Variants in HTR4 observed in about 807,000 individuals in gnomAD.
HTR4 encodes 5-hydroxytryptamine (serotonin) receptor 4, G protein-coupled.
Under a neutral mutation model 36.8 loss-of-function variants are expected in HTR4, and 16 were observed. The ratio of observed to expected loss-of-function variants is 0.43; its 90% CI spans 0.29 to 0.66. HTR4 has a LOEUF of 0.66. Ranked by LOEUF, HTR4 falls within the 30% of genes least tolerant of loss-of-function variation. The probability of loss-of-function intolerance (pLI) is 0.13; values close to 1 mark genes in which losing one functional copy is unlikely to be tolerated. For missense variants in HTR4, 438 were observed against 490.9 expected (o/e 0.89, Z 1.02); for synonymous variants, 189 against 185.1 (o/e 1.02, Z -0.17).
intron 5 of HTR4, among the ~76,000 whole-genome samples, chr5:148,456,147 C>A (rs561351034): frequency 1.3e-5 from 2 of 152,294 alleles, no homozygotes; most frequent in South Asian, 4.1e-4. Context: ...GAGGACAGCA[C>A]ATCCCAACTG....
At chr5:148,643,659 A>G (rs751636363) in intron 1 of HTR4, among the ~76,000 whole-genome samples, 17 of 152,258 alleles carry the variant, frequency 1.1e-4, no homozygotes, top group Non-Finnish European at 1.8e-4. Flanking sequence ...AATAAATGGC[A>G]TGGCATAATC....
At chr5:148,529,453 T>C (rs943985867) in intron 4 of HTR4, among the ~76,000 whole-genome samples, 1 of 152,132 alleles carries the variant, frequency 6.6e-6, no homozygotes, top group African/African-American at 2.4e-5. Context: ...TAAAGGGGAA[T>C]TTCCCTGCAC....
At chr5:148,578,019 T>G (rs1193876306) in intron 2 of HTR4, among the ~76,000 whole-genome samples, 1 of 152,016 alleles carries the variant, frequency 6.6e-6, no homozygotes, top group East Asian at 1.9e-4. Flanking sequence ...AGTTGTCAAA[T>G]GATATATGAA....
downstream of HTR4, among the ~76,000 whole-genome samples, chr5:148,473,535 G>A (rs1217102110): frequency 6.6e-6 from 1 of 152,156 alleles, no homozygotes; most frequent in Non-Finnish European, 1.5e-5. Flanking sequence ...TTAGAATATA[G>A]TATCTTAGTG....
At chr5:148,607,813 G>C (rs757437644) in intron 2 of HTR4, among the ~76,000 whole-genome samples, 7 of 152,158 alleles carry the variant, frequency 4.6e-5, no homozygotes, top group African/African-American at 1.7e-4. Flanking sequence ...ATGTCCCATG[G>C]ACTAAGCCCC....
chr5:148,601,787 C>A (rs1762005974), intron 2 of HTR4, among the ~76,000 whole-genome samples: 1 of 152,106 alleles, frequency 6.6e-6, no homozygotes, highest in African/African-American at 2.4e-5. Flanking sequence ...GGAGACACAG[C>A]AAGACCCTAT....
downstream of HTR4, among the ~76,000 whole-genome samples, chr5:148,480,412 T>G (rs1056902554): frequency 6.6e-6 from 1 of 152,222 alleles, no homozygotes; most frequent in Non-Finnish European, 1.5e-5. Flanking sequence ...GGAGTCTCAC[T>G]CTATTGCCCA....
In HTR4 at chr5:148,654,459, G is replaced by C. The variant is rs907874305; in HGVS notation, c.-445C>G. 7.1e-6 allele frequency: 7 copies of C among 985,402 alleles called. No homozygotes were observed. The Admixed American group carries it at 2.5e-4, about 35-fold the overall frequency. The allele number at this position is 985,402 out of a possible 1,614,324, so 61.0% of individuals were successfully genotyped here. On this transcript the variant is annotated 5_prime_UTR_variant, in exon 1 of 7. Transcript: ENST00000377888. ...GCACAGGGGAGTGGGCACAGAGGCG[G>C]GCTGGAGCGATCTCACCCGTTCCGG...
At chr5:148,514,421 C>T (rs1375276072) in intron 5 of HTR4, among the ~76,000 whole-genome samples, 6 of 151,918 alleles carry the variant, frequency 3.9e-5, no homozygotes, top group Non-Finnish European at 5.9e-5. Context: ...CATTACAATT[C>T]CTGGAATGTC....
intron 5 of HTR4, among the ~76,000 whole-genome samples, chr5:148,469,441 T>C (rs946723838): frequency 2.0e-5 from 3 of 152,182 alleles, no homozygotes; most frequent in Non-Finnish European, 2.9e-5. Flanking sequence ...GGTTCTGATC[T>C]GACTACACAA....
intron 2 of HTR4, among the ~76,000 whole-genome samples, chr5:148,562,578 A>C (rs1317907351): frequency 6.6e-6 from 1 of 152,094 alleles, no homozygotes; most frequent in African/African-American, 2.4e-5. Flanking sequence ...GCTTCCTTTC[A>C]TCTTCTCCTA....
Position 148,488,395 on chromosome 5 carries a change from C to CA in HTR4, c.1077-5103dup, listed in dbSNP as rs559128372. On this transcript the variant is annotated intron_variant, in intron 6 of 6. Coordinates refer to ENST00000377888, the MANE Select transcript of HTR4 (RefSeq NM_000870.7). Reference sequence around the variant, plus strand: ...CAGGCGTCAGGCTCAAAGCCTTTGGCAAAAAAACAGGATAAAGCTAAATTT... The same window carrying CA: ...CAGGCGTCAGGCTCAAAGCCTTTGGCAAAAAAAACAGGATAAAGCTAAATTT... Among the ~76,000 whole-genome samples, 162 of 151,886 alleles carry CA rather than the reference C, an allele frequency of 1.1e-3. 4 individuals carry two copies. In the Middle Eastern group the frequency reaches 0.037, roughly 35 times the overall value.
intron 1 of HTR4, chr5:148,646,087 A>C (rs1753871040): frequency 6.6e-6 from 1 of 152,264 alleles, no homozygotes; most frequent in Non-Finnish European, 1.5e-5. Flanking sequence ...TAAAAATCAC[A>C]TGGAAAACTG....
At chr5:148,612,068 C>T (rs1752457442) in intron 2 of HTR4, among the ~76,000 whole-genome samples, 1 of 152,144 alleles carries the variant, frequency 6.6e-6, no homozygotes, top group Admixed American at 6.5e-5. Flanking sequence ...GACTCCCACG[C>T]ATTAATAATG....
chr5:148,651,784 T>C (rs1754047518), intron 1 of HTR4, among the ~76,000 whole-genome samples: 1 of 151,516 alleles, frequency 6.6e-6, no homozygotes, highest in Non-Finnish European at 1.5e-5. Context: ...GGCAGTGATA[T>C]GGAAGACTGA....
chr5:148,511,085 A>G (rs1330293152), intron 5 of HTR4, among the ~76,000 whole-genome samples: 1 of 152,212 alleles, frequency 6.6e-6, no homozygotes, highest in East Asian at 1.9e-4. Context: ...GGTCAAGGCT[A>G]TCAATGACCT....
intron 1 of HTR4, among the ~76,000 whole-genome samples, chr5:148,638,407 G>A (rs1471256697): frequency 6.6e-6 from 1 of 152,186 alleles, no homozygotes; most frequent in Non-Finnish European, 1.5e-5. Flanking sequence ...CGAAGTGACA[G>A]GTCTCAATCC....
intron 2 of HTR4, among the ~76,000 whole-genome samples, chr5:148,584,477 G>T (rs1047599363): frequency 2.2e-4 from 34 of 152,122 alleles, no homozygotes; most frequent in African/African-American, 8.2e-4. Flanking sequence ...ACTCAAAGGA[G>T]AAATTACAAA....
chr5:148,545,869 A>G (rs1263982485), intron 4 of HTR4, among the ~76,000 whole-genome samples: 2 of 152,244 alleles, frequency 1.3e-5, no homozygotes, highest in Non-Finnish European at 2.9e-5. Context: ...GAGCAACAGT[A>G]TTAGAGCAGC....
Sources: allele counts gnomAD v4.1 joint callset (sites outside exome capture counted in the v4.1 genomes callset), GRCh38; gene constraint gnomAD v4.1.1; transcripts MANE v1.5; gene names NCBI Gene and HGNC (gene_info 2026-07-23, HGNC 2026-07-21).